Variants in NRXN1 observed in about 807,000 individuals in gnomAD.
NRXN1 encodes the protein neurexin 1.
NRXN1 carries 39 observed loss-of-function variants against 150.9 expected under a neutral mutation model. The ratio of observed to expected loss-of-function variants is 0.26; its 90% CI spans 0.20 to 0.34. NRXN1 has a LOEUF of 0.34. Among genes scored for constraint, NRXN1 ranks in the 10% least tolerant of loss-of-function variants. The pLI, the probability that NRXN1 is intolerant of heterozygous loss-of-function variation, is 1.00. For synonymous variants in NRXN1, 924 were observed against 757.0 expected (o/e 1.22, Z -3.62); for missense variants, 1,815 against 1,949.9 (o/e 0.93, Z 1.30).
chr2:50,169,711 CA>C (rs11296551), intron 18 of NRXN1, among the ~76,000 whole-genome samples: 45,828 of 103,654 alleles, frequency 0.44, 7,814 homozygotes, highest in Middle Eastern at 0.51. Flanking sequence ...GCTTCCATCT[CA>C]AAAAAAAAAA....
chr2:50,955,163 TG>T (rs2104630085), intron 2 of NRXN1, among the ~76,000 whole-genome samples: 1 of 152,290 alleles, frequency 6.6e-6, no homozygotes, highest in African/African-American at 2.4e-5. Context: ...ACAGCTGACA[TG>T]GGTCACTATT....
At chr2:50,064,901 G>A (rs1695129286) in intron 19 of NRXN1, among the ~76,000 whole-genome samples, 1 of 152,132 alleles carries the variant, frequency 6.6e-6, no homozygotes, top group South Asian at 2.1e-4. Context: ...TGCCTGATTT[G>A]TGGCTGATAA....
intron 18 of NRXN1, among the ~76,000 whole-genome samples, chr2:50,227,241 A>C (rs1254466802): frequency 6.6e-6 from 1 of 151,992 alleles, no homozygotes; most frequent in African/African-American, 2.4e-5. Context: ...GTCCTGGAGA[A>C]GTAAATTACT....
chr2:49,946,566 G>T (rs754990685), intron 21 of NRXN1, among the ~76,000 whole-genome samples: 38 of 152,222 alleles, frequency 2.5e-4, no homozygotes, highest in Non-Finnish European at 5.1e-4. Context: ...TGTATAAGGT[G>T]TAAGGAAGGG....
At chr2:50,467,419 A>G (rs2104663635) in intron 16 of NRXN1, among the ~76,000 whole-genome samples, 1 of 151,804 alleles carries the variant, frequency 6.6e-6, no homozygotes, top group South Asian at 2.1e-4. Context: ...AGATGCTATT[A>G]ATGTAAAAGA....
chr2:49,969,633 G>A (rs1476201335), intron 21 of NRXN1: 3 of 151,548 alleles, frequency 2.0e-5, no homozygotes, highest in African/African-American at 7.3e-5. Context: ...TTCACTGGAC[G>A]ACTGATTAGG....
chr2:50,434,713 T>C (rs912273015), intron 17 of NRXN1, among the ~76,000 whole-genome samples: 5 of 152,198 alleles, frequency 3.3e-5, no homozygotes, highest in African/African-American at 1.2e-4. Flanking sequence ...CTTGAAACCA[T>C]GGAATGGAAT....
intron 5 of NRXN1, among the ~76,000 whole-genome samples, chr2:50,674,480 TAA>T (rs1689285428): frequency 6.6e-6 from 1 of 152,064 alleles, no homozygotes; most frequent in Admixed American, 6.6e-5. Flanking sequence ...AGGAATAGCA[TAA>T]TCTCATTGGA....
At chr2:50,582,478 C>CAAAAAAAA (rs56941425) in intron 8 of NRXN1, among the ~76,000 whole-genome samples, 9 of 44,202 alleles carry the variant, frequency 2.0e-4, no homozygotes, top group Admixed American at 3.4e-4. Context: ...GACTCGTCTC[C>CAAAAAAAA]AAAAAAAAAA....
chr2:50,190,027 G>C (rs1195587562), intron 18 of NRXN1, among the ~76,000 whole-genome samples: 1 of 152,056 alleles, frequency 6.6e-6, no homozygotes, highest in East Asian at 1.9e-4. Context: ...TCAGAAATGA[G>C]TTCTAATACT....
intron 18 of NRXN1, among the ~76,000 whole-genome samples, chr2:50,104,047 A>G (rs1267581299): frequency 6.6e-6 from 1 of 151,996 alleles, no homozygotes; most frequent in Admixed American, 6.6e-5. Flanking sequence ...TTTGGAGATA[A>G]TTTTGAGAAC....
chr2:50,253,488 T>C (rs2067370365), intron 17 of NRXN1, among the ~76,000 whole-genome samples: 1 of 152,126 alleles, frequency 6.6e-6, no homozygotes, highest in African/African-American at 2.4e-5. Flanking sequence ...TTGTCTTGTG[T>C]CAGTTTTCAA....
intron 2 of NRXN1, among the ~76,000 whole-genome samples, chr2:50,952,069 C>A (rs889353454): frequency 6.8e-6 from 1 of 146,088 alleles, no homozygotes; most frequent in Non-Finnish European, 1.5e-5. Flanking sequence ...CGGGTTCATG[C>A]CATTCTCCTG....
chr2:50,573,363 TA>T (rs35691955), intron 8 of NRXN1, among the ~76,000 whole-genome samples: 68,622 of 147,666 alleles, frequency 0.46, 16,021 homozygotes, highest in East Asian at 0.8. Flanking sequence ...ACTCTGTCTT[TA>T]AAAAAAAAAA....
At chr2:50,541,298 G>A (rs1324724130) in intron 9 of NRXN1, among the ~76,000 whole-genome samples, 1 of 152,056 alleles carries the variant, frequency 6.6e-6, no homozygotes, top group East Asian at 1.9e-4. Context: ...GACACTAAGA[G>A]GACTCCTGGA....
chr2:50,265,444 T>C (rs2152917545), intron 17 of NRXN1, among the ~76,000 whole-genome samples: 1 of 151,658 alleles, frequency 6.6e-6, no homozygotes, highest in East Asian at 1.9e-4. Flanking sequence ...GAGGGGAGAG[T>C]AACTGCACTG....
intron 22 of NRXN1, among the ~76,000 whole-genome samples, chr2:49,932,520 C>A (rs1336378802): frequency 6.6e-6 from 1 of 151,712 alleles, no homozygotes; most frequent in Non-Finnish European, 1.5e-5. Flanking sequence ...CCTTTCCTTC[C>A]TCCTTTCCAA....
intron 18 of NRXN1, among the ~76,000 whole-genome samples, chr2:50,149,933 T>A (rs998037533): frequency 6.6e-6 from 1 of 151,896 alleles, no homozygotes; most frequent in Admixed American, 6.6e-5. Context: ...TGTAGCCATA[T>A]GCATATCAGC....
Position 50,089,002 on chromosome 2 carries a change from A to G in NRXN1, c.3718+2321T>C, listed in dbSNP as rs376295455. Among the ~76,000 whole-genome samples, 13 of 152,308 alleles carry G rather than the reference A, an allele frequency of 8.5e-5. No homozygotes were observed. In the East Asian group the frequency reaches 1.5e-3, roughly 18 times the overall value. On this transcript the variant is annotated intron_variant, in intron 19 of 22. Transcript: ENST00000401669. The stretch of plus-strand genomic sequence containing the variant: ...ATATATCCTATATTTATTTTCTATC[A>G]TCTATGCTTGGGTAAAGCATCCTGT...
Sources: allele counts gnomAD v4.1 joint callset (sites outside exome capture counted in the v4.1 genomes callset), GRCh38; gene constraint gnomAD v4.1.1; transcripts MANE v1.5; gene names NCBI Gene and HGNC (gene_info 2026-07-23, HGNC 2026-07-21).